Variants in ADAMTS18 observed in about 807,000 individuals in gnomAD.
The protein encoded by ADAMTS18 is A disintegrin and metalloproteinase with thrombospondin motifs 18.
Under a neutral mutation model 165.9 loss-of-function variants are expected in ADAMTS18, and 157 were observed. That is an observed-to-expected ratio of 0.95 (90% CI 0.83 to 1.08). The LOEUF is 1.08. Ranked by LOEUF, ADAMTS18 falls within the 50% of genes least tolerant of loss-of-function variation. The pLI is 0.00. For synonymous variants in ADAMTS18, 782 were observed against 578.2 expected, an observed-to-expected ratio of 1.35 and a Z score of -5.06; for missense variants, 2,040 against 1,534.0, an observed-to-expected ratio of 1.33 and a Z score of -5.51.
intron 3 of ADAMTS18, among the ~76,000 whole-genome samples, chr16:77,396,206 A>T (rs2057254791): frequency 6.6e-6 from 1 of 152,202 alleles, no homozygotes; most frequent in African/African-American, 2.4e-5. Flanking sequence ...AGAATCAGAG[A>T]ATTTTTAATC....
rs149632847 is a variant in ADAMTS18, at chr16:77,293,085, C to A, written c.3180G>T (p.Ser1060=). 33 of 1,614,044 alleles carry A rather than the reference C, an allele frequency of 2.0e-5. No homozygotes were observed. Among genetic ancestry groups the A allele is most frequent in the African/African-American group, 1.7e-4 (13 of 75,008 alleles). ...KNSRLQWVAS[S]WSECSATCGL... Reference sequence around the variant, plus strand: ...GACTTCTAATCCATACCTCGCTCCACGAAGAAGCGACCCACTGTAGCCGGC... The same window carrying A: ...GACTTCTAATCCATACCTCGCTCCAAGAAGAAGCGACCCACTGTAGCCGGC... The change falls in exon 20 of 23, where the codon TCG becomes TCT. Residue 1060 remains serine (S), a synonymous_variant. Transcript: ENST00000282849.
At position 77,321,166 on chromosome 16, in the gene ADAMTS18, C is replaced by A. The variant is rs201929461; in HGVS notation, c.2200G>T (p.Val734Phe). 33 of 1,614,062 alleles carry A rather than the reference C, an allele frequency of 2.0e-5. No individual in the cohort carries two copies. Among genetic ancestry groups the A allele is most frequent in the Non-Finnish European group, 2.7e-5 (32 of 1,180,040 alleles). Residue 734 changes from valine to phenylalanine, a missense_variant, in exon 15 of 23, where the codon GTT (valine) becomes TTT (phenylalanine). Transcript: ENST00000282849. ...TTGCAAACGCCACAAGCATCTGAAA[C>A]TGCTTTAGAGCCTAGTTCATGATCA... ...GCDHELGSKA[V>F]SDACGVCKGD...
intron 7 of ADAMTS18, among the ~76,000 whole-genome samples, chr16:77,361,627 T>C (rs1208882356): frequency 6.6e-6 from 1 of 152,218 alleles, no homozygotes; most frequent in East Asian, 1.9e-4. Flanking sequence ...CTCATGCCTG[T>C]AGTCCCAGGA....
At chr16:77,374,814 G>A (rs2056925959) in intron 3 of ADAMTS18, among the ~76,000 whole-genome samples, 2 of 152,100 alleles carry the variant, frequency 1.3e-5, no homozygotes, top group South Asian at 2.1e-4. Context: ...GTCTCACATA[G>A]CCTGTCATCT....
At chr16:77,325,082 C>A (rs8061205) in intron 13 of ADAMTS18, among the ~76,000 whole-genome samples, 82,982 of 152,024 alleles carry the variant, frequency 0.55, 24,613 homozygotes, top group East Asian at 0.88. Flanking sequence ...GTTCATGTTG[C>A]GCTTTTGCAC....
At chr16:77,345,047 T>A (rs1171843107) in intron 10 of ADAMTS18, among the ~76,000 whole-genome samples, 1 of 152,196 alleles carries the variant, frequency 6.6e-6, no homozygotes, top group Non-Finnish European at 1.5e-5. Flanking sequence ...CTCCAAGGTC[T>A]CATGTTGCCT....
intron 20 of ADAMTS18, among the ~76,000 whole-genome samples, chr16:77,292,471 C>G (rs368829723): frequency 6.6e-6 from 1 of 152,134 alleles, no homozygotes. Flanking sequence ...CCCAAATCCC[C>G]TTTTGCTTTG....
At position 77,283,627 on chromosome 16, in the gene ADAMTS18, T is replaced by C. The variant is rs991722909; in HGVS notation, c.*329A>G. On this transcript the variant is annotated 3_prime_UTR_variant, in exon 23 of 23. Coordinates refer to ENST00000282849, the MANE Select transcript of ADAMTS18 (RefSeq NM_199355.4). ...ACAGATGTCTTTGCCCTTGAACCCT[T>C]TGAAGTTCAAAAGGGGGTCTCTCCC... 8 of 320,028 alleles carry C rather than the reference T, an allele frequency of 2.5e-5. No homozygotes were observed. In the East Asian group the frequency reaches 3.2e-4, roughly 13 times the overall value. 19.8% of individuals were successfully genotyped at this position (320,028 alleles called of 1,614,324 possible). A position where few individuals can be genotyped will look rare whatever the true frequency, so the allele number is the denominator to read the frequency against.
intron 3 of ADAMTS18, among the ~76,000 whole-genome samples, chr16:77,427,028 C>A (rs1010107069): frequency 6.7e-6 from 1 of 150,288 alleles, no homozygotes; most frequent in African/African-American, 2.4e-5. Context: ...AATATAAGAA[C>A]AATAAAAAAT....
chr16:77,284,114 A>C, intron 22 of ADAMTS18, 43 bp from the exon 23 acceptor site: 1 of 1,337,378 alleles, frequency 7.5e-7, no homozygotes, highest in Non-Finnish European at 1.1e-6. Flanking sequence ...TAGGGTGTCT[A>C]TCCTTTTTCT....
rs930510018 is a variant in ADAMTS18 at position 77,321,219 on chromosome 16, A to T, written c.2164-17T>A. On this transcript the variant is annotated splice_polypyrimidine_tract_variant and intron_variant, in intron 14 of 22. Coordinates refer to ENST00000282849, the MANE Select transcript of ADAMTS18 (RefSeq NM_199355.4). ...TCCCACTAGCTGTGACAAAAACAAA[A>T]AACGTGAGAAAATAAAAGATCAGAG... 1.1e-5 allele frequency: 18 copies of T among 1,614,062 alleles called. 1 individual carries two copies. In the South Asian group the frequency reaches 2.0e-4, roughly 18 times the overall value.
At chr16:77,370,233 A>G (rs1177060906) in intron 3 of ADAMTS18, among the ~76,000 whole-genome samples, 1 of 152,198 alleles carries the variant, frequency 6.6e-6, no homozygotes, top group Admixed American at 6.5e-5. Flanking sequence ...AGTCCTGGGT[A>G]GAGCAATTAG....
At chr16:77,402,038 T>TAC (rs2057338407) in intron 3 of ADAMTS18, among the ~76,000 whole-genome samples, 3 of 152,168 alleles carry the variant, frequency 2.0e-5, no homozygotes, top group African/African-American at 7.2e-5. Context: ...GCAGACAGCA[T>TAC]ATTGTGGAAA....
At chr16:77,423,043 G>A (rs1240120324) in intron 3 of ADAMTS18, among the ~76,000 whole-genome samples, 2 of 152,136 alleles carry the variant, frequency 1.3e-5, no homozygotes, top group Non-Finnish European at 2.9e-5. Context: ...TGAATCCCTA[G>A]GCTCTACCCA....
chr16:77,322,389 C>T lies in ADAMTS18; in HGVS notation c.2110G>A (p.Gly704Arg). Residue 704 changes from glycine (G) to arginine (R), a missense_variant, in exon 14 of 23, where the codon GGA becomes AGA. Transcript: ENST00000282849. ...FFAMSGKVKD[G>R]TPCSPNKNDV... ...TTTTTGTTTGGGGAGCAGGGAGTTC[C>T]ATCTTTCACTTTGCCGGACATTGCA... 1.2e-6 allele frequency: 2 copies of T among 1,613,954 alleles called. No homozygotes were observed. Among genetic ancestry groups the T allele is most frequent in the Non-Finnish European group, 1.7e-6 (2 of 1,179,958 alleles).
intron 16 of ADAMTS18, among the ~76,000 whole-genome samples, chr16:77,310,561 A>T (rs1414715980): frequency 6.6e-6 from 1 of 152,110 alleles, no homozygotes; most frequent in Admixed American, 6.5e-5. Flanking sequence ...CCACGTACCA[A>T]TGCTTGTTTT....
Position 77,364,314 on chromosome 16 carries a change from G to T in ADAMTS18, c.846C>A (p.Pro282=), listed in dbSNP as rs2056760447. Residue 282 remains proline, a synonymous_variant, in exon 5 of 23, where the codon CCC becomes CCA. Transcript: ENST00000282849. ...TTTGTGATTTTCCAGCTGATCTTCT[G>T]GGTCGCCCAGAGCTCCCATATTCAT... ...RFDEYGSSGR[P]RRSAGKSQKG... is the part of the protein sequence containing the mutation. 3 of 1,613,894 alleles carry T rather than the reference G, an allele frequency of 1.9e-6. No individual in the cohort carries two copies. The highest frequency in any genetic ancestry group is 2.5e-6 in the Non-Finnish European group (3 of 1,180,010).
chr16:77,383,145 C>T (rs1041152042), intron 3 of ADAMTS18, among the ~76,000 whole-genome samples: 1 of 152,112 alleles, frequency 6.6e-6, no homozygotes, highest in Non-Finnish European at 1.5e-5. Context: ...TGTATTGCCC[C>T]AAGCCTAGAC....
At chr16:77,409,137 G>C (rs776465982) in intron 3 of ADAMTS18, among the ~76,000 whole-genome samples, 13 of 152,196 alleles carry the variant, frequency 8.5e-5, no homozygotes, top group Middle Eastern at 3.4e-3. Flanking sequence ...GGAGGTACTG[G>C]AACGTATCCT....
Sources: allele counts gnomAD v4.1 joint callset (sites outside exome capture counted in the v4.1 genomes callset), GRCh38; gene constraint gnomAD v4.1.1; transcripts MANE v1.5; gene names NCBI Gene and HGNC (gene_info 2026-07-23, HGNC 2026-07-21).